The following DHX57 variants were observed in gnomAD, a reference collection of about 807,000 sequenced individuals.
DHX57 encodes putative ATP-dependent RNA helicase DHX57.
A neutral mutation model predicts 156.2 loss-of-function variants in DHX57; 105 were observed. The ratio of observed to expected loss-of-function variants is 0.67; its 90% CI spans 0.57 to 0.79. DHX57 has a LOEUF of 0.79. Among genes scored for constraint, DHX57 ranks in the 30% least tolerant of loss-of-function variants. DHX57 has a pLI of 0.00. For missense variants in DHX57, 1,847 were observed against 1,661.9 expected (o/e 1.11, Z -1.94); for synonymous variants, 704 against 595.6 (o/e 1.18, Z -2.65).
chr2:38,814,329 T>C (rs1304331122), intron 20 of DHX57, among the ~76,000 whole-genome samples: 1 of 152,200 alleles, frequency 6.6e-6, no homozygotes, highest in Non-Finnish European at 1.5e-5. Flanking sequence ...ACCTAATTTC[T>C]ATCTCTTTGC....
At chr2:38,831,782 G>A (rs914063378) in intron 13 of DHX57, among the ~76,000 whole-genome samples, 38 of 150,722 alleles carry the variant, frequency 2.5e-4, no homozygotes, top group South Asian at 1.1e-3. Flanking sequence ...ACTTGAACCC[G>A]GGAGGCGGAG....
At position 38,799,750 on chromosome 2, in the gene DHX57, C is replaced by CAA. The variant is rs34097778; in HGVS notation, c.4018-1310_4018-1309dup. On this transcript the variant is annotated intron_variant, in intron 23 of 23. Coordinates refer to ENST00000457308, the MANE Select transcript of DHX57 (RefSeq NM_198963.3). ...GGGCAACAAGAGCAAAACTCCATCTCAAAAAAAAAAAAAAAAAAAAGTGGG... is the reference window on the plus strand; with the variant it reads ...GGGCAACAAGAGCAAAACTCCATCTCAAAAAAAAAAAAAAAAAAAAAAGTGGG... 8.1e-3 allele frequency among the ~76,000 whole-genome samples: 803 copies of CAA among 98,946 alleles called. 11 individuals are homozygous for CAA. Among genetic ancestry groups the CAA allele is most frequent in the East Asian group, 0.023 (75 of 3,242 alleles). 64.9% of individuals were successfully genotyped at this position (98,946 alleles called of 152,430 possible). A position where few individuals can be genotyped will look rare whatever the true frequency, so the allele number is the denominator to read the frequency against.
intron 22 of DHX57, chr2:38,806,292 G>T: frequency 2.6e-6 from 1 of 378,954 alleles, no homozygotes. Flanking sequence ...ATTAGCTCAT[G>T]ACTTCAATTA....
chr2:38,858,522 G>T, intron 6 of DHX57, 139 bp downstream of exon 6: 1 of 1,149,012 alleles, frequency 8.7e-7, no homozygotes, highest in Non-Finnish European at 1.2e-6. Flanking sequence ...AGTTTGCTGT[G>T]GCCTGTAGAA....
At chr2:38,830,899 G>C (rs1490473123) in intron 13 of DHX57, among the ~76,000 whole-genome samples, 1 of 151,992 alleles carries the variant, frequency 6.6e-6, no homozygotes, top group Non-Finnish European at 1.5e-5. Context: ...TTTGAAACCA[G>C]TCTGGGCAAC....
chr2:38,847,708 A>G (rs1672363113), intron 10 of DHX57, among the ~76,000 whole-genome samples: 1 of 152,218 alleles, frequency 6.6e-6, no homozygotes, highest in South Asian at 2.1e-4. Flanking sequence ...GACTGCCACT[A>G]TCAACTTTGA....
intron 2 of DHX57, among the ~76,000 whole-genome samples, chr2:38,866,207 C>T (rs1274895555): frequency 6.6e-6 from 1 of 152,220 alleles, no homozygotes; most frequent in East Asian, 1.9e-4. Context: ...TGTCTTACTT[C>T]ATGTAAAAGC....
In DHX57 at chr2:38,855,406, C is replaced by T. The variant is rs1323105083; in HGVS notation, c.1710-154G>A. On this transcript the variant is annotated intron_variant, in intron 7 of 23. Transcript: ENST00000457308. ...CTAAAACAACCTCCTGACTTATTACCAAGAGGTGGGAAATTCTAGGAATTT... is the reference window on the plus strand; with the variant it reads ...CTAAAACAACCTCCTGACTTATTACTAAGAGGTGGGAAATTCTAGGAATTT... 7 of 773,744 alleles carry T rather than the reference C, an allele frequency of 9.0e-6. No individual in the cohort carries two copies. In the East Asian group the frequency reaches 1.9e-4, roughly 21 times the overall value. 47.9% of individuals were successfully genotyped at this position (773,744 alleles called of 1,614,324 possible).
intron 21 of DHX57, among the ~76,000 whole-genome samples, chr2:38,812,950 C>G (rs1670346272): frequency 6.6e-6 from 1 of 151,764 alleles, no homozygotes; most frequent in African/African-American, 2.4e-5. Context: ...TGAGTTCAAG[C>G]AATTCTCCCG....
intron 13 of DHX57, among the ~76,000 whole-genome samples, chr2:38,831,137 C>T (rs1187555010): frequency 6.6e-6 from 1 of 151,476 alleles, no homozygotes; most frequent in African/African-American, 2.4e-5. Context: ...AAAAAAAAAG[C>T]CACAACATTA....
chr2:38,869,981 T>C lies in DHX57; in HGVS notation c.-6-1570A>G, dbSNP rs922482910. Among the ~76,000 whole-genome samples the C allele has an allele frequency of 1.1e-4, 17 of 152,080 alleles. No homozygotes were observed. The South Asian group carries it at 1.2e-3, about 11-fold the overall frequency. ...GGTATGATGACAATGTCATATCAAA[T>C]TGAGAACATCAATAAAGAGATAAAA... On this transcript the variant is annotated intron_variant, in intron 1 of 23. Transcript: ENST00000457308.
At chr2:38,871,172 G>C (rs1432394830) in intron 1 of DHX57, among the ~76,000 whole-genome samples, 1 of 152,060 alleles carries the variant, frequency 6.6e-6, no homozygotes, top group Non-Finnish European at 1.5e-5. Flanking sequence ...TTATTTATTT[G>C]AAAACCAGTA....
intron 22 of DHX57, among the ~76,000 whole-genome samples, chr2:38,805,760 T>C (rs1018450884): frequency 6.6e-6 from 1 of 151,880 alleles, no homozygotes; most frequent in African/African-American, 2.4e-5. Context: ...GCTTTTATGT[T>C]TGAGATGACT....
At chr2:38,830,530 G>A (rs1349766364) in intron 13 of DHX57, among the ~76,000 whole-genome samples, 2 of 152,026 alleles carry the variant, frequency 1.3e-5, no homozygotes, top group African/African-American at 4.8e-5. Flanking sequence ...TGGGAGGCTG[G>A]AGGCACGAGA....
Position 38,798,218 on chromosome 2 carries a change from T to C in DHX57, c.*81A>G. 2 of 1,533,876 alleles carry C rather than the reference T, an allele frequency of 1.3e-6. No individual in the cohort carries two copies. The highest frequency in any genetic ancestry group is 1.3e-5 in the South Asian group (1 of 76,010). On this transcript the variant is annotated 3_prime_UTR_variant, in exon 24 of 24. Coordinates refer to ENST00000457308, the MANE Select transcript of DHX57 (RefSeq NM_198963.3). ...ACCAGGGCCAGCCCCAATAGGTCTT[T>C]AGTTCGAGGTAGAGGTTCTGCTGTT...
At chr2:38,830,798 C>G (rs779463990) in intron 13 of DHX57, among the ~76,000 whole-genome samples, 2 of 152,020 alleles carry the variant, frequency 1.3e-5, no homozygotes, top group Non-Finnish European at 2.9e-5. Context: ...TAAAATGCCA[C>G]AAAATTTTAT....
chr2:38,862,458 T>C (rs369231595), intron 3 of DHX57, 125 bp from the exon 4 acceptor site: 1 of 879,096 alleles, frequency 1.1e-6, no homozygotes. Context: ...GATTTAATCT[T>C]ATATTGAACT....
intron 1 of DHX57, among the ~76,000 whole-genome samples, chr2:38,870,557 G>C (rs745732420): frequency 6.6e-6 from 1 of 152,178 alleles, no homozygotes; most frequent in Non-Finnish European, 1.5e-5. Context: ...AGGGCAGAAG[G>C]TAATGACATA....
rs1240238393 is a variant in DHX57, at chr2:38,819,435, C to A, written c.3292-291G>T. On this transcript the variant is annotated intron_variant, in intron 17 of 23. Transcript: ENST00000457308. ...AGGCAATTGGCCCACCTCGGCCTAC[C>A]AAAATGCTGGCATTATAGGCATGAG... is the stretch of plus-strand genomic sequence containing the variant. Among the ~76,000 whole-genome samples, 4 of 152,308 alleles carry A rather than the reference C, an allele frequency of 2.6e-5. No homozygotes were observed. The East Asian group carries it at 5.8e-4, about 22-fold the overall frequency.
Sources: gnomAD v4.1 joint callset for allele counts (sites outside exome capture counted in the v4.1 genomes callset) on GRCh38, gnomAD v4.1.1 for gene constraint, MANE v1.5 for transcripts, NCBI Gene and HGNC (gene_info 2026-07-23, HGNC 2026-07-21) for gene names.